The following MAP3K6 variants were observed in gnomAD, a reference collection of about 807,000 sequenced individuals.
MAP3K6 encodes the protein mitogen-activated protein kinase kinase kinase 6, also known as apoptosis signal-regulating kinase 2.
MAP3K6 carries 105 observed loss-of-function variants against 147.1 expected under a neutral mutation model. The observed-to-expected ratio is 0.71, with a 90% confidence interval of 0.61 to 0.84. The LOEUF is 0.84. Among genes scored for constraint, MAP3K6 ranks in the 40% least tolerant of loss-of-function variants. The probability of loss-of-function intolerance (pLI) is 0.00; values close to 1 mark genes in which losing one functional copy is unlikely to be tolerated. For synonymous variants in MAP3K6, 695 were observed against 732.4 expected (o/e 0.95, Z 0.82); for missense variants, 1,569 against 1,715.0 (o/e 0.91, Z 1.50).
chr1:27,361,698 G>C lies in MAP3K6; in HGVS notation c.1578+7C>G, dbSNP rs754552656. 1 of 1,613,808 alleles carries C rather than the reference G, an allele frequency of 6.2e-7. No homozygotes were observed. The highest frequency in any genetic ancestry group is 1.1e-5 in the South Asian group (1 of 91,060). ...TTTCCCGGGTCCACCACCCCTACAG[G>C]CCTCACCAAGCACTGGTCGCCCTGG... On this transcript the variant is annotated splice_region_variant and intron_variant, in intron 10 of 28. Transcript: ENST00000357582.
In MAP3K6 at chr1:27,364,066, T is replaced by A; in HGVS notation, c.715A>T (p.Ile239Phe). 3 of 1,612,818 alleles carry A rather than the reference T, an allele frequency of 1.9e-6. No homozygotes were observed. The highest frequency in any genetic ancestry group is 2.5e-6 in the Non-Finnish European group (3 of 1,179,800). The change falls in exon 5 of 29, where the codon ATT becomes TTT. Residue 239 changes from isoleucine to phenylalanine, a missense_variant. By Grantham distance (21) the Ile-to-Phe change is conservative. Transcript: ENST00000357582. The surrounding 1 kb of genome is among the most constrained non-coding windows in gnomAD (Gnocchi z 4.4). ...TDSCGYFRET[I>F]RRDIRQARER... ...CGCGCCTGCCGGATGTCCCGCCGAA[T>A]GGTCTCCCGGAAATAGCCACTGATG...
Position 27,355,281 on chromosome 1 carries a change from G to A in MAP3K6, c.*110C>T, listed in dbSNP as rs765015153. ...ACCAGTCCTGGGCCCCACTCGCCTG[G>A]CTTCCTCCAGTCGCCCCAGGTCCTG... On this transcript the variant is annotated 3_prime_UTR_variant, in exon 29 of 29. Transcript: ENST00000357582. The A allele has an allele frequency of 8.5e-5, 88 of 1,036,008 alleles. No individual in the cohort carries two copies. Among genetic ancestry groups the A allele is most frequent in the Non-Finnish European group, 1.2e-4 (81 of 654,170 alleles). 64.2% of individuals were successfully genotyped at this position (1,036,008 alleles called of 1,614,324 possible). A position where few individuals can be genotyped will look rare whatever the true frequency, so the allele number is the denominator to read the frequency against.
In MAP3K6 at chr1:27,360,493, C is replaced by T; in HGVS notation, c.2055-125G>A. On this transcript the variant is annotated intron_variant, in intron 15 of 28. Transcript: ENST00000357582. The surrounding 1 kb of genome is among the most constrained non-coding windows in gnomAD (Gnocchi z 4.5). ...CACAAGCCCTCTCCGACCTTCCCCACCCTTACTACCCTGCCCACAGGACCC... is the reference window on the plus strand; with the variant it reads ...CACAAGCCCTCTCCGACCTTCCCCATCCTTACTACCCTGCCCACAGGACCC... The T allele has an allele frequency of 3.0e-6, 4 of 1,354,414 alleles. No individual in the cohort carries two copies. Among genetic ancestry groups the T allele is most frequent in the Non-Finnish European group, 4.0e-6 (4 of 1,009,560 alleles). The allele number at this position is 1,354,414 out of a possible 1,614,324, so 83.9% of individuals were successfully genotyped here. A position where few individuals can be genotyped will look rare whatever the true frequency, so the allele number is the denominator to read the frequency against.
Position 27,358,817 on chromosome 1 carries a change from C to A in MAP3K6, c.2475G>T (p.Gly825=). 1 of 1,608,904 alleles carries A rather than the reference C, an allele frequency of 6.2e-7. No homozygotes were observed. The highest frequency in any genetic ancestry group is 8.5e-7 in the Non-Finnish European group (1 of 1,177,282). The change falls in exon 19 of 29, where the codon GGG becomes GGT. Residue 825 remains glycine, a synonymous_variant. Coordinates refer to ENST00000357582, the MANE Select transcript of MAP3K6 (RefSeq NM_004672.5). The surrounding 1 kb of genome is among the most constrained non-coding windows in gnomAD (Gnocchi z 6.2). ...APEIIDQGPR[G]YGKAADIWSL... is the part of the protein sequence containing the mutation. ...ACCAGATGTCAGCTGCTTTCCCATACCCGCGTGGGCCCTGGTCAATGATTT... is the reference window on the plus strand; with the variant it reads ...ACCAGATGTCAGCTGCTTTCCCATAACCGCGTGGGCCCTGGTCAATGATTT...
In MAP3K6 at chr1:27,357,694, T is replaced by C. The variant is rs374105293; in HGVS notation, c.3081+17A>G. The C allele has an allele frequency of 2.1e-5, 33 of 1,608,394 alleles. 1 individual carries two copies. In the East Asian group the frequency reaches 4.0e-4, roughly 20 times the overall value. On this transcript the variant is annotated intron_variant, in intron 22 of 28. Transcript: ENST00000357582. ...ACCCTTTGCGACCACCAGGGGGCGCTAGAGTGGGCCGCCCACCTGCTCTTG... is the reference window on the plus strand; with the variant it reads ...ACCCTTTGCGACCACCAGGGGGCGCCAGAGTGGGCCGCCCACCTGCTCTTG...
chr1:27,359,364 A>T lies in MAP3K6; in HGVS notation c.2425+53T>A. On this transcript the variant is annotated intron_variant, in intron 18 of 28. Coordinates refer to ENST00000357582, the MANE Select transcript of MAP3K6 (RefSeq NM_004672.5). The surrounding 1 kb of genome is among the most constrained non-coding windows in gnomAD (Gnocchi z 4.4). ...ACCCCCTTCCCTGGAAAGTTCCAAGAGATCTTCTGCCCCAGGTCAGCATCC... is the reference window on the plus strand; with the variant it reads ...ACCCCCTTCCCTGGAAAGTTCCAAGTGATCTTCTGCCCCAGGTCAGCATCC... 3 of 1,612,970 alleles carry T rather than the reference A, an allele frequency of 1.9e-6. No individual in the cohort carries two copies. Among genetic ancestry groups the T allele is most frequent in the Non-Finnish European group, 2.5e-6 (3 of 1,179,262 alleles).
intron 8 of MAP3K6, 127 bp from the exon 9 acceptor site, chr1:27,362,377 G>T (rs190547518): frequency 1.2e-5 from 12 of 1,017,356 alleles, no homozygotes; most frequent in Non-Finnish European, 1.7e-5. Flanking sequence ...GCAAGATCTC[G>T]GGTGGGAACA....
Position 27,356,656 on chromosome 1 carries a change from A to C in MAP3K6, c.3458T>G (p.Val1153Gly). ...QSPGQQSPLP[V>G]EPEQGPAPLM... The stretch of plus-strand genomic sequence containing the variant: ...AGGAGCGGGGCCCTGCTCGGGCTCC[A>C]CCGGAAGCGGGCTCTGCTGGCCTGG... Residue 1153 changes from valine to glycine, a missense_variant, in exon 25 of 29, where the codon GTG becomes GGG. Coordinates refer to ENST00000357582, the MANE Select transcript of MAP3K6 (RefSeq NM_004672.5). 1 of 1,612,094 alleles carries C rather than the reference A, an allele frequency of 6.2e-7. No homozygotes were observed. The highest frequency in any genetic ancestry group is 1.7e-5 in the Admixed American group (1 of 59,676).
rs762624777 is a variant in MAP3K6, at chr1:27,359,455, CGCTTG to C, written c.2382_2386del (p.Lys795AlafsTer9). The C allele has an allele frequency of 3.1e-6, 5 of 1,614,160 alleles. No homozygotes were observed. Among genetic ancestry groups the C allele is most frequent in the Non-Finnish European group, 3.4e-6 (4 of 1,180,034 alleles). ...AGTGCAAGGTGTGATGCCTGCCAGC[CGCTTG>C]GAGGTGCCGAAGTCAGAAATCTTGA... On this transcript the variant is annotated frameshift_variant, in exon 18 of 29. Coordinates refer to ENST00000357582, the MANE Select transcript of MAP3K6 (RefSeq NM_004672.5). LOFTEE classifies it high-confidence loss of function. The surrounding 1 kb of genome is among the most constrained non-coding windows in gnomAD (Gnocchi z 4.4).
chr1:27,362,142 G>T lies in MAP3K6; in HGVS notation c.1364C>A (p.Thr455Asn), dbSNP rs1138294. 2 of 1,613,416 alleles carry T rather than the reference G, an allele frequency of 1.2e-6. No homozygotes were observed. Among genetic ancestry groups the T allele is most frequent in the Non-Finnish European group, 8.5e-7 (1 of 1,179,790 alleles). ...LGAQILANDP[T>N]QVVLAAEQLY... ...CTGCTCTGCAGCCAGCACCACCTGG[G>T]TGGGGTCATTGGCGAGGATCTGGGC... The change falls in exon 9 of 29, where the codon ACC becomes AAC. Residue 455 changes from threonine (T) to asparagine (N), a missense_variant. Thr to Asn is a moderately conservative substitution (Grantham distance 65). Transcript: ENST00000357582.
chr1:27,355,482 G>T lies in MAP3K6; in HGVS notation c.3789-13C>A. On this transcript the variant is annotated splice_polypyrimidine_tract_variant and intron_variant, in intron 28 of 28. Coordinates refer to ENST00000357582, the MANE Select transcript of MAP3K6 (RefSeq NM_004672.5). ...TACCATCCCTCCCCTGGGGGTAATG[G>T]ACTCAGTGTGGCTCAGCCAGAAGGT... 6.2e-7 allele frequency: 1 copy of T among 1,613,788 alleles called. No homozygotes were observed. Among genetic ancestry groups the T allele is most frequent in the South Asian group, 1.1e-5 (1 of 91,054 alleles).
In MAP3K6 at chr1:27,363,074, C is replaced by T. The variant is rs2015843501; in HGVS notation, c.972-53G>A. ...CCTGATGGCCCTGGCCTACTCTGTCCAGGGACCTCTAGACACTGAACCAGC... is the reference window on the plus strand; with the variant it reads ...CCTGATGGCCCTGGCCTACTCTGTCTAGGGACCTCTAGACACTGAACCAGC... On this transcript the variant is annotated intron_variant, in intron 6 of 28. Transcript: ENST00000357582. The T allele has an allele frequency of 2.6e-6, 4 of 1,529,348 alleles. No homozygotes were observed. In the South Asian group the frequency reaches 4.8e-5, roughly 18 times the overall value. 94.7% of individuals were successfully genotyped at this position (1,529,348 alleles called of 1,614,324 possible).
intron 1 of MAP3K6, among the ~76,000 whole-genome samples, chr1:27,365,374 T>C (rs2015940412): frequency 6.6e-6 from 1 of 152,194 alleles, no homozygotes; most frequent in Non-Finnish European, 1.5e-5. Flanking sequence ...ACTGTATCTG[T>C]GTGTGTGACA....
chr1:27,355,502 G>C, intron 28 of MAP3K6, 33 bp from the exon 29 acceptor site: 1 of 1,610,400 alleles, frequency 6.2e-7, no homozygotes, highest in South Asian at 1.1e-5. Flanking sequence ...GGCTCAGCCA[G>C]AAGGTGGCCC....
chr1:27,363,587 C>G, intron 5 of MAP3K6, 39 bp from the exon 6 acceptor site: 3 of 1,487,858 alleles, frequency 2.0e-6, no homozygotes, highest in Non-Finnish European at 2.8e-6. Context: ...TCATGGGCCT[C>G]CAGGCCCCAA....
rs1478151745 is a variant in MAP3K6, at chr1:27,360,830, A to G, written c.1929T>C (p.Tyr643=). 3 of 1,612,644 alleles carry G rather than the reference A, an allele frequency of 1.9e-6. No individual in the cohort carries two copies. The highest frequency in any genetic ancestry group is 2.5e-6 in the Non-Finnish European group (3 of 1,179,830). The change falls in exon 15 of 29, where the codon TAT becomes TAC. Residue 643 remains tyrosine, a synonymous_variant. Transcript: ENST00000357582. This position sits in a 1 kb window ranked among gnomAD's most constrained non-coding sequence, Gnocchi z 4.5. ...GCCGCTCGCCCGTCTCCGTGTACTC[A>G]TAATCAAACTGCCGGGCGCGGGGTG... is the stretch of plus-strand genomic sequence containing the variant. The part of the protein sequence containing the change: ...EGAGEMLEFD[Y]EYTETGERLV...
chr1:27,358,640 A>C lies in MAP3K6; in HGVS notation c.2584-29T>G, dbSNP rs1261707071. ...TGGGGGGAGGGTGAACAAGGGTGACATTCAGAGGTGTCCAAGGCCCAGGCT... is the reference window on the plus strand; with the variant it reads ...TGGGGGGAGGGTGAACAAGGGTGACCTTCAGAGGTGTCCAAGGCCCAGGCT... On this transcript the variant is annotated intron_variant, in intron 19 of 28. Coordinates refer to ENST00000357582, the MANE Select transcript of MAP3K6 (RefSeq NM_004672.5). This position sits in a 1 kb window ranked among gnomAD's most constrained non-coding sequence, Gnocchi z 6.2. 1 of 1,613,698 alleles carries C rather than the reference A, an allele frequency of 6.2e-7. No individual in the cohort carries two copies. Among genetic ancestry groups the C allele is most frequent in the Admixed American group, 1.7e-5 (1 of 59,964 alleles).
intron 6 of MAP3K6, among the ~76,000 whole-genome samples, 173 bp from the exon 7 acceptor site, chr1:27,363,194 C>T (rs2015848350): frequency 6.6e-6 from 1 of 152,186 alleles, no homozygotes; most frequent in Middle Eastern, 3.2e-3. Flanking sequence ...GGAAGTGATT[C>T]CTAGATGCGA....
Position 27,360,872 on chromosome 1 carries a change from G to C in MAP3K6, c.1921-34C>G, listed in dbSNP as rs1292615191. On this transcript the variant is annotated intron_variant, in intron 14 of 28. Coordinates refer to ENST00000357582, the MANE Select transcript of MAP3K6 (RefSeq NM_004672.5). The surrounding 1 kb of genome is among the most constrained non-coding windows in gnomAD (Gnocchi z 4.5). ...CGCGGGGTGAGATGGGAGTTCAGCA[G>C]GGCCCGCGGCCCCTCGCCCTCCGCG... is the stretch of plus-strand genomic sequence containing the variant. The C allele has an allele frequency of 1.2e-6, 2 of 1,611,194 alleles. No individual in the cohort carries two copies. Among genetic ancestry groups the C allele is most frequent in the Non-Finnish European group, 1.7e-6 (2 of 1,178,998 alleles).
Sources: allele counts gnomAD v4.1 joint callset (sites outside exome capture counted in the v4.1 genomes callset), GRCh38; gene constraint gnomAD v4.1.1; non-coding constraint Gnocchi (gnomAD v3.1); transcripts MANE v1.5; gene names NCBI Gene and HGNC (gene_info 2026-07-23, HGNC 2026-07-21).